The following JAZF1 variants were observed in gnomAD, a reference collection of about 807,000 sequenced individuals.
JAZF1 encodes the protein juxtaposed with another zinc finger protein 1.
Under a neutral mutation model 26.4 loss-of-function variants are expected in JAZF1, and 8 were observed. The ratio of observed to expected loss-of-function variants is 0.30; its 90% CI spans 0.18 to 0.55. JAZF1 has a LOEUF of 0.55. JAZF1 is among the 20% of genes least tolerant of loss of function. The probability of loss-of-function intolerance (pLI) is 0.94; values close to 1 mark genes in which losing one functional copy is unlikely to be tolerated. For synonymous variants in JAZF1, 126 were observed against 122.3 expected, an observed-to-expected ratio of 1.03 and a Z score of -0.20; for missense variants, 199 against 322.0, an observed-to-expected ratio of 0.62 and a Z score of 2.92.
chr7:27,847,620 C>G (rs939099424), intron 3 of JAZF1, among the ~76,000 whole-genome samples: 7 of 152,120 alleles, frequency 4.6e-5, no homozygotes, highest in African/African-American at 1.7e-4. Flanking sequence ...TTCCACTGGT[C>G]TATGTGGCTG....
chr7:28,087,122 C>A (rs189260587), intron 1 of JAZF1, among the ~76,000 whole-genome samples: 64 of 152,208 alleles, frequency 4.2e-4, no homozygotes, highest in African/African-American at 1.4e-3. Flanking sequence ...TAGCTTTCAA[C>A]AAGTTATATG....
intron 1 of JAZF1, among the ~76,000 whole-genome samples, chr7:28,000,242 C>G (rs893448444): frequency 6.6e-6 from 1 of 152,036 alleles, no homozygotes; most frequent in Non-Finnish European, 1.5e-5. Flanking sequence ...CCCGACCCCC[C>G]ATCCACACCC....
At position 28,093,452 on chromosome 7, in the gene JAZF1, C is replaced by G. The variant is rs572100493; in HGVS notation, c.115+87011G>C. Among the ~76,000 whole-genome samples the G allele has an allele frequency of 5.3e-5, 8 of 152,340 alleles. No homozygotes were observed. In the East Asian group the frequency reaches 1.5e-3, roughly 29 times the overall value. On this transcript the variant is annotated intron_variant, in intron 1 of 4. Transcript: ENST00000283928. ...ACTCTTTCTTTATAAATTACCCAGT[C>G]TTGGGATGTCTTTATCAGCAGCGTT...
chr7:27,902,616 C>A (rs184486391), intron 2 of JAZF1, among the ~76,000 whole-genome samples: 1 of 152,086 alleles, frequency 6.6e-6, no homozygotes, highest in Admixed American at 6.6e-5. Flanking sequence ...ATGACAGGTC[C>A]GACCAAGGGT....
intron 1 of JAZF1, among the ~76,000 whole-genome samples, chr7:28,135,004 A>C (rs917198348): frequency 1.3e-5 from 2 of 152,226 alleles, no homozygotes; most frequent in African/African-American, 4.8e-5. Context: ...CTATTACTTA[A>C]AATGACTCAA....
At chr7:28,145,949 TGAG>T (rs1783021718) in intron 1 of JAZF1, among the ~76,000 whole-genome samples, 1 of 152,226 alleles carries the variant, frequency 6.6e-6, no homozygotes, top group African/African-American at 2.4e-5. Flanking sequence ...GCTATGTGGA[TGAG>T]GAGTTTGTTC....
At chr7:28,002,332 A>C (rs917900331) in intron 1 of JAZF1, among the ~76,000 whole-genome samples, 4 of 152,174 alleles carry the variant, frequency 2.6e-5, no homozygotes, top group Admixed American at 6.5e-5. Flanking sequence ...GACGGGGGGG[A>C]AAAAAGAATA....
Position 28,110,481 on chromosome 7 carries a change from A to G in JAZF1, c.115+69982T>C, listed in dbSNP as rs956563083. Among the ~76,000 whole-genome samples the G allele has an allele frequency of 1.2e-4, 10 of 81,992 alleles. No homozygotes were observed. In the South Asian group the frequency reaches 3.6e-3, roughly 30 times the overall value. The allele number at this position is 81,992 out of a possible 152,430, so 53.8% of individuals were successfully genotyped here. On this transcript the variant is annotated intron_variant, in intron 1 of 4. Transcript: ENST00000283928. ...AGGAAAGGAAAGGAAAGGAAAGGAA[A>G]GGAAAGGAAAGGAAAGGAAAGGAAA...
rs78646645 is a variant in JAZF1 at position 28,040,806 on chromosome 7, C to G, written c.116-48825G>C. On this transcript the variant is annotated intron_variant, in intron 1 of 4. Transcript: ENST00000283928. ...TGGGAATGGAATTCAGAGATGGATG[C>G]CAGTGACTGCAGCGACGTAAGGTAG... Among the ~76,000 whole-genome samples, 196 of 152,228 alleles carry G rather than the reference C, an allele frequency of 1.3e-3. 8 individuals carry two copies. The East Asian group carries it at 0.034, about 27-fold the overall frequency.
At chr7:27,886,787 A>T (rs1247983091) in intron 3 of JAZF1, among the ~76,000 whole-genome samples, 1 of 152,250 alleles carries the variant, frequency 6.6e-6, no homozygotes, top group Non-Finnish European at 1.5e-5. Flanking sequence ...TTATAACAAG[A>T]TAGATGCTCA....
At chr7:27,937,716 TA>T (rs1784780594) in intron 2 of JAZF1, among the ~76,000 whole-genome samples, 2 of 152,252 alleles carry the variant, frequency 1.3e-5, no homozygotes, top group African/African-American at 4.8e-5. Flanking sequence ...AAAAGCTTTA[TA>T]TTCCATTAGG....
intron 3 of JAZF1, among the ~76,000 whole-genome samples, chr7:27,850,746 G>T (rs1223432280): frequency 2.0e-5 from 3 of 151,642 alleles, no homozygotes; most frequent in Non-Finnish European, 4.4e-5. Context: ...AGCAGCCCTG[G>T]GCCTCATCAT....
At chr7:28,057,286 T>C (rs1394557661) in intron 1 of JAZF1, among the ~76,000 whole-genome samples, 1 of 152,222 alleles carries the variant, frequency 6.6e-6, no homozygotes, top group East Asian at 1.9e-4. Flanking sequence ...CCTTAACCTC[T>C]ATCTGTATGA....
intron 3 of JAZF1, chr7:27,844,178 C>T (rs1782975991): frequency 6.6e-6 from 1 of 152,218 alleles, no homozygotes; most frequent in Non-Finnish European, 1.5e-5. Flanking sequence ...CGTGGGGTGT[C>T]CTGCAGAAAA....
intron 1 of JAZF1, among the ~76,000 whole-genome samples, chr7:28,144,915 G>T (rs1217767092): frequency 1.3e-5 from 2 of 152,134 alleles, no homozygotes; most frequent in African/African-American, 4.8e-5. Context: ...TGTAAATTTT[G>T]ATGAAACTTA....
At chr7:27,983,235 A>G (rs1487126685) in intron 2 of JAZF1, among the ~76,000 whole-genome samples, 5 of 152,242 alleles carry the variant, frequency 3.3e-5, no homozygotes, top group Non-Finnish European at 7.3e-5. Flanking sequence ...TAGAATAAAT[A>G]GTGTAGAGAA....
intron 1 of JAZF1, among the ~76,000 whole-genome samples, chr7:28,113,126 C>G (rs1480052171): frequency 6.6e-6 from 1 of 152,176 alleles, no homozygotes; most frequent in Non-Finnish European, 1.5e-5. Flanking sequence ...GTGCAACATC[C>G]AGGTTCGTTC....
chr7:27,887,662 C>G lies in JAZF1; in HGVS notation c.385+7558G>C, dbSNP rs184371289. 2.5e-4 allele frequency among the ~76,000 whole-genome samples: 38 copies of G among 152,180 alleles called. 1 individual carries two copies. In the East Asian group the frequency reaches 6.4e-3, roughly 26 times the overall value. ...AACTCCTGACCTCAGGGGATCTGTCCGTCTTGGACTCCCAAAGTGCTGGGA... is the reference window on the plus strand; with the variant it reads ...AACTCCTGACCTCAGGGGATCTGTCGGTCTTGGACTCCCAAAGTGCTGGGA... On this transcript the variant is annotated intron_variant, in intron 3 of 4. Coordinates refer to ENST00000283928, the MANE Select transcript of JAZF1 (RefSeq NM_175061.4).
At chr7:28,158,363 C>A (rs1783226389) in intron 1 of JAZF1, among the ~76,000 whole-genome samples, 1 of 152,124 alleles carries the variant, frequency 6.6e-6, no homozygotes, top group African/African-American at 2.4e-5. Flanking sequence ...GCCCTTTTGG[C>A]CTTCCTGCCC....
Sources: gnomAD v4.1 joint callset for allele counts (sites outside exome capture counted in the v4.1 genomes callset) on GRCh38, gnomAD v4.1.1 for gene constraint, MANE v1.5 for transcripts, NCBI Gene and HGNC (gene_info 2026-07-23, HGNC 2026-07-21) for gene names.